STK26: variants seen among roughly 807,000 people sequenced by gnomAD.
The protein encoded by STK26 is serine/threonine kinase 26, also known as serine/threonine-protein kinase 26.
Under a neutral mutation model 34.7 loss-of-function variants are expected in STK26, and 14 were observed. The ratio of observed to expected loss-of-function variants is 0.40; its 90% CI spans 0.27 to 0.63. The LOEUF (loss-of-function observed/expected upper bound fraction) is 0.63. Ranked by LOEUF, STK26 falls within the 30% of genes least tolerant of loss-of-function variation. The pLI, the probability that STK26 is intolerant of heterozygous loss-of-function variation, is 0.38. For missense variants in STK26, 226 were observed against 309.1 expected, an observed-to-expected ratio of 0.73 and a Z score of 2.02; for synonymous variants, 100 against 109.8, an observed-to-expected ratio of 0.91 and a Z score of 0.56.
At chrX:132,073,207 C>T in intron 11 of STK26, 114 bp downstream of exon 11, 1 of 794,882 alleles carries the variant, frequency 1.3e-6, no homozygotes, top group Non-Finnish European at 1.8e-6. Context: ...ACAAAGTCAC[C>T]TTTCAATACA....
intron 8 of STK26, 145 bp downstream of exon 8, chrX:132,071,362 A>G (rs1049754646): frequency 3.4e-5 from 23 of 675,351 alleles, no homozygotes; most frequent in Admixed American, 7.7e-5. Flanking sequence ...ATCTTTTTCA[A>G]TCACAGTCTG....
intron 3 of STK26, among the ~76,000 whole-genome samples, chrX:132,062,362 C>A (rs1245335405): frequency 8.9e-6 from 1 of 112,196 alleles, no homozygotes; most frequent in Admixed American, 9.4e-5. Context: ...ACTGATGGTA[C>A]TGAATGGTAT....
intron 3 of STK26, among the ~76,000 whole-genome samples, chrX:132,056,240 T>C (rs947610597): frequency 8.9e-6 from 1 of 112,086 alleles, no homozygotes; most frequent in Non-Finnish European, 1.9e-5. Flanking sequence ...TATTGCCTTA[T>C]GTTGATGTCT....
chrX:132,036,698 A>C (rs1415856000), intron 2 of STK26, among the ~76,000 whole-genome samples: 1 of 112,136 alleles, frequency 8.9e-6, no homozygotes, highest in African/African-American at 3.2e-5. Flanking sequence ...AAGAATGCTG[A>C]TATGTTTACC....
chrX:132,065,282 T>C (rs1927183426), intron 4 of STK26, among the ~76,000 whole-genome samples: 1 of 112,102 alleles, frequency 8.9e-6, no homozygotes. Flanking sequence ...CAATAGTTTT[T>C]TCATTAGCTC....
intron 7 of STK26, among the ~76,000 whole-genome samples, chrX:132,069,983 A>G (rs1418434794): frequency 8.9e-6 from 1 of 111,744 alleles, no homozygotes; most frequent in Non-Finnish European, 1.9e-5. Flanking sequence ...GTATGTATAA[A>G]TACAATGATT....
intron 2 of STK26, among the ~76,000 whole-genome samples, chrX:132,054,278 A>G (rs1926783710): frequency 8.9e-6 from 1 of 112,322 alleles, no homozygotes; most frequent in South Asian, 3.6e-4. Context: ...CTTAGGTTAG[A>G]TATTCTCCCA....
chrX:132,057,457 T>C (rs190397095), intron 3 of STK26, among the ~76,000 whole-genome samples: 71 of 111,433 alleles, frequency 6.4e-4, no homozygotes, highest in Admixed American at 3.0e-3. Flanking sequence ...GTGGAGTTAT[T>C]CTTTCTTTTT....
chrX:132,030,615 T>C (rs1435169586), intron 2 of STK26, among the ~76,000 whole-genome samples: 1 of 110,951 alleles, frequency 9.0e-6, no homozygotes, highest in African/African-American at 3.3e-5. Flanking sequence ...TCAGACAGCT[T>C]GATAGCAGTT....
chrX:132,070,994 G>T, intron 7 of STK26, 75 bp from the exon 8 acceptor site: 3 of 1,041,615 alleles, frequency 2.9e-6, no homozygotes, highest in South Asian at 2.2e-5. Flanking sequence ...TAATTCAAAT[G>T]ATTTTTTTTA....
chrX:132,028,469 C>T (rs774845785), intron 2 of STK26, among the ~76,000 whole-genome samples: 1 of 110,921 alleles, frequency 9.0e-6, no homozygotes. Flanking sequence ...GTACATATGT[C>T]CAATAAGTAG....
intron 2 of STK26, among the ~76,000 whole-genome samples, chrX:132,030,768 C>T (rs1019636596): frequency 8.2e-4 from 91 of 110,632 alleles, no homozygotes; most frequent in African/African-American, 2.9e-3. Flanking sequence ...GTAATTAAGA[C>T]TCGAAGAATT....
chrX:132,062,016 C>A (rs1264469061), intron 3 of STK26, among the ~76,000 whole-genome samples: 3 of 112,259 alleles, frequency 2.7e-5, no homozygotes, highest in African/African-American at 9.7e-5. Flanking sequence ...TAGTGAGTTT[C>A]TCTGGTACTT....
At chrX:132,062,295 C>A (rs1602772163) in intron 3 of STK26, among the ~76,000 whole-genome samples, 1 of 111,905 alleles carries the variant, frequency 8.9e-6, no homozygotes, top group Admixed American at 9.4e-5. Flanking sequence ...AGAGGTGTCC[C>A]TTGTATTTAA....
At chrX:132,069,778 A>G in intron 7 of STK26, 115 bp downstream of exon 7, 1 of 431,475 alleles carries the variant, frequency 2.3e-6, no homozygotes, top group Non-Finnish European at 3.4e-6. Flanking sequence ...TCTAAGATCC[A>G]TCCAGGAACC....
At chrX:132,058,965 T>C (rs1257930108) in intron 3 of STK26, among the ~76,000 whole-genome samples, 1 of 111,317 alleles carries the variant, frequency 9.0e-6, no homozygotes, top group African/African-American at 3.3e-5. Flanking sequence ...AAAGAAATAT[T>C]CTATAATCTT....
intron 8 of STK26, among the ~76,000 whole-genome samples, chrX:132,071,513 T>C (rs754257186): frequency 1.5e-4 from 17 of 111,954 alleles, no homozygotes; most frequent in Non-Finnish European, 3.0e-4. Context: ...GTTATATTAG[T>C]TTGCTCAAAG....
chrX:132,063,171 T>C (rs1927112948), intron 3 of STK26, among the ~76,000 whole-genome samples: 1 of 111,307 alleles, frequency 9.0e-6, no homozygotes, highest in African/African-American at 3.3e-5. Context: ...TATCAAATAC[T>C]AGATCTTACT....
At chrX:132,032,755 C>T (rs1925888819) in intron 2 of STK26, among the ~76,000 whole-genome samples, 1 of 110,719 alleles carries the variant, frequency 9.0e-6, no homozygotes, top group African/African-American at 3.3e-5. Context: ...AAAAAGCTTC[C>T]CAGTATCAAC....
Sources: gnomAD v4.1 joint callset for allele counts (sites outside exome capture counted in the v4.1 genomes callset) on GRCh38, gnomAD v4.1.1 for gene constraint, MANE v1.5 for transcripts, NCBI Gene and HGNC (gene_info 2026-07-23, HGNC 2026-07-21) for gene names.